Variants in EPM2A observed in about 807,000 individuals in gnomAD.
EPM2A encodes the protein EPM2A glucan phosphatase, laforin, also known as laforin.
Under a neutral mutation model 26.5 loss-of-function variants are expected in EPM2A, and 21 were observed. The ratio of observed to expected loss-of-function variants is 0.79; its 90% CI spans 0.56 to 1.14. The LOEUF (loss-of-function observed/expected upper bound fraction) is 1.14, where lower values mean the gene tolerates loss of function less well. Ranked by LOEUF, EPM2A falls within the 50% of genes most tolerant of loss-of-function variation. The probability of loss-of-function intolerance (pLI) is 0.00; values close to 1 mark genes in which losing one functional copy is unlikely to be tolerated. For missense variants in EPM2A, 458 were observed against 440.8 expected (o/e 1.04, Z -0.35); for synonymous variants, 217 against 177.6 (o/e 1.22, Z -1.76).
chr6:145,503,009 C>A (rs899044436), intron 2 of EPM2A, among the ~76,000 whole-genome samples: 1 of 152,122 alleles, frequency 6.6e-6, no homozygotes, highest in Non-Finnish European at 1.5e-5. Context: ...TTTGCCATAA[C>A]CCATTTAAAT....
intron 4 of EPM2A, among the ~76,000 whole-genome samples, chr6:145,472,463 G>A (rs1220738632): frequency 6.6e-6 from 1 of 152,028 alleles, no homozygotes; most frequent in Non-Finnish European, 1.5e-5. Context: ...CAGGGTCATG[G>A]GGTCCCTAAT....
At chr6:145,661,613 G>A (rs183368426) in intron 2 of EPM2A, among the ~76,000 whole-genome samples, 2 of 152,266 alleles carry the variant, frequency 1.3e-5, no homozygotes, top group African/African-American at 2.4e-5. Flanking sequence ...AGCTTTTTAC[G>A]TGTTCTTTTT....
chr6:145,633,909 CT>C (rs1325689780), intron 3 of EPM2A: 1 of 152,196 alleles, frequency 6.6e-6, no homozygotes, highest in Non-Finnish European at 1.5e-5. Flanking sequence ...GAATGGGCCT[CT>C]TTTTAGTTCT....
intron 2 of EPM2A, among the ~76,000 whole-genome samples, chr6:145,677,792 T>A (rs1199107582): frequency 6.6e-6 from 1 of 152,084 alleles, no homozygotes; most frequent in East Asian, 1.9e-4. Context: ...CACAAACAAA[T>A]GGAAGACCAT....
intron 4 of EPM2A, among the ~76,000 whole-genome samples, chr6:145,412,157 C>T (rs1252716756): frequency 6.9e-6 from 1 of 145,144 alleles, no homozygotes; most frequent in East Asian, 2.0e-4. Flanking sequence ...GCAGGGGTTG[C>T]AGTGAGCCAA....
intron 4 of EPM2A, among the ~76,000 whole-genome samples, chr6:145,429,448 C>T (rs1778894962): frequency 1.3e-5 from 2 of 151,978 alleles, no homozygotes; most frequent in South Asian, 4.1e-4. Flanking sequence ...ATCTATATTT[C>T]TCAAGTGATA....
chr6:145,528,595 T>C (rs187149404), intron 2 of EPM2A, among the ~76,000 whole-genome samples: 43 of 152,204 alleles, frequency 2.8e-4, no homozygotes, highest in African/African-American at 7.9e-4. Flanking sequence ...GACCTACTGC[T>C]CAAGAAAAAA....
At chr6:145,419,719 T>G (rs1223563169) in intron 4 of EPM2A, among the ~76,000 whole-genome samples, 1 of 152,146 alleles carries the variant, frequency 6.6e-6, no homozygotes, top group African/African-American at 2.4e-5. Flanking sequence ...ATAACTAACA[T>G]TCAGTGTCTA....
chr6:145,584,632 C>T (rs1781163766), intron 2 of EPM2A, among the ~76,000 whole-genome samples: 1 of 152,178 alleles, frequency 6.6e-6, no homozygotes, highest in Admixed American at 6.5e-5. Flanking sequence ...ATGGGTTCTC[C>T]TGCAGCTAGG....
chr6:145,468,280 C>T (rs920297063), intron 4 of EPM2A, among the ~76,000 whole-genome samples: 3 of 152,104 alleles, frequency 2.0e-5, no homozygotes, highest in Non-Finnish European at 4.4e-5. Context: ...AAATATGATA[C>T]TGTGCATGAA....
rs188197058 is a variant in EPM2A at position 145,425,235 on chromosome 6, G to T, written c.556-41138C>A. 1.8e-4 allele frequency among the ~76,000 whole-genome samples: 28 copies of T among 151,374 alleles called. No homozygotes were observed. In the East Asian group the frequency reaches 3.5e-3, roughly 19 times the overall value. On this transcript the variant is annotated intron_variant, in intron 4 of 4. Coordinates refer to the EPM2A transcript ENST00000638717. ...GCCGCCCAGGCTGGAGTGCAGTGGC[G>T]TGATCTCGGCTCACTGCAACCTCTG... is the stretch of plus-strand genomic sequence containing the variant.
At chr6:145,669,578 C>T (rs2128597650) in intron 2 of EPM2A, among the ~76,000 whole-genome samples, 1 of 152,290 alleles carries the variant, frequency 6.6e-6, no homozygotes, top group Non-Finnish European at 1.5e-5. Context: ...TAATGGTTCA[C>T]ATAATAGATT....
At position 145,412,204 on chromosome 6, in the gene EPM2A, G is replaced by A. The variant is rs1445827763; in HGVS notation, c.556-28107C>T. On this transcript the variant is annotated intron_variant, in intron 4 of 4. Coordinates refer to the EPM2A transcript ENST00000638717. ...TGCACTCTAGCCTGGGCGACACTGA[G>A]ACTCTGTCTCAAAAAAAAAAAAAAA... Among the ~76,000 whole-genome samples the A allele has an allele frequency of 2.3e-5, 3 of 129,460 alleles. No homozygotes were observed. The South Asian group carries it at 7.9e-4, about 34-fold the overall frequency. 84.9% of individuals were successfully genotyped at this position (129,460 alleles called of 152,430 possible). A position where few individuals can be genotyped will look rare whatever the true frequency, so the allele number is the denominator to read the frequency against.
chr6:145,511,879 A>C (rs1780059487), intron 2 of EPM2A, among the ~76,000 whole-genome samples: 1 of 152,254 alleles, frequency 6.6e-6, no homozygotes, highest in African/African-American at 2.4e-5. Flanking sequence ...ACTTCTCTGG[A>C]AGATTCCCAG....
chr6:145,534,945 T>C (rs1288587116), intron 2 of EPM2A, among the ~76,000 whole-genome samples: 3 of 152,204 alleles, frequency 2.0e-5, no homozygotes, highest in Non-Finnish European at 4.4e-5. Context: ...ACCGGCAATG[T>C]TGAAAGAATG....
At chr6:145,501,821 A>C (rs1351577130) in exon 4 of EPM2A, 1 of 471,172 alleles carries the variant, frequency 2.1e-6, no homozygotes, top group African/African-American at 2.0e-5. Flanking sequence ...TTTTGTTTTA[A>C]GTAATCCAGA....
chr6:145,425,631 CAAAAAAAAA>C (rs35954002), intron 4 of EPM2A, among the ~76,000 whole-genome samples: 1 of 137,170 alleles, frequency 7.3e-6, no homozygotes, highest in South Asian at 2.3e-4. Flanking sequence ...TTGAGAATGG[CAAAAAAAAA>C]AAAAAAAAGA....
intron 1 of EPM2A, among the ~76,000 whole-genome samples, chr6:145,726,640 C>T (rs2128642440): frequency 6.6e-6 from 1 of 152,128 alleles, no homozygotes; most frequent in African/African-American, 2.4e-5. Flanking sequence ...ATGGTCTTCC[C>T]AAAAACCCAT....
At chr6:145,690,617 T>C (rs1781221985) in intron 1 of EPM2A, among the ~76,000 whole-genome samples, 1 of 144,080 alleles carries the variant, frequency 6.9e-6, no homozygotes, top group Admixed American at 6.8e-5. Flanking sequence ...CAATAACCAC[T>C]AAGATCTCAA....
Sources: gnomAD v4.1 joint callset for allele counts (sites outside exome capture counted in the v4.1 genomes callset) on GRCh38, gnomAD v4.1.1 for gene constraint, MANE v1.5 for transcripts, NCBI Gene and HGNC (gene_info 2026-07-23, HGNC 2026-07-21) for gene names.